The following PRDM10 variants were observed in gnomAD, a reference collection of about 807,000 sequenced individuals.
PRDM10 encodes the protein PR domain zinc finger protein 10.
PRDM10 carries 65 observed loss-of-function variants against 133.1 expected under a neutral mutation model. The observed-to-expected ratio is 0.49, with a 90% confidence interval of 0.40 to 0.60. The LOEUF (loss-of-function observed/expected upper bound fraction) is 0.60, where lower values mean the gene tolerates loss of function less well. PRDM10 is among the 20% of genes least tolerant of loss of function. The pLI is 0.00. For missense variants in PRDM10, 1,137 were observed against 1,507.1 expected (o/e 0.75, Z 4.07); for synonymous variants, 582 against 580.4 (o/e 1.00, Z -0.04).
At chr11:129,921,899 G>A (rs539649060) in intron 13 of PRDM10, among the ~76,000 whole-genome samples, 1 of 152,272 alleles carries the variant, frequency 6.6e-6, no homozygotes, top group East Asian at 1.9e-4. Context: ...ACCACCAGAT[G>A]CAGTGACACA....
intron 1 of PRDM10, among the ~76,000 whole-genome samples, chr11:129,980,764 C>CA (rs1938058453): frequency 6.6e-6 from 1 of 151,366 alleles, no homozygotes; most frequent in South Asian, 2.1e-4. Context: ...AAGTCCAAAC[C>CA]AGGGAAATCT....
intron 2 of PRDM10, among the ~76,000 whole-genome samples, chr11:129,959,118 A>C (rs531938244): frequency 6.6e-6 from 1 of 152,210 alleles, no homozygotes; most frequent in Non-Finnish European, 1.5e-5. Flanking sequence ...TTTTAATGTC[A>C]GTTTTCTCTA....
At chr11:129,952,808 C>T (rs763125943) in intron 4 of PRDM10, among the ~76,000 whole-genome samples, 1 of 151,904 alleles carries the variant, frequency 6.6e-6, no homozygotes, top group Non-Finnish European at 1.5e-5. Flanking sequence ...ATGTGATTCG[C>T]CGTGCCTGGC....
In PRDM10 at chr11:129,902,329, T is replaced by G; in HGVS notation, c.3455A>C (p.His1152Pro). 6.2e-7 allele frequency: 1 copy of G among 1,614,102 alleles called. No individual in the cohort carries two copies. Among genetic ancestry groups the G allele is most frequent in the Non-Finnish European group, 8.5e-7 (1 of 1,179,982 alleles). ...TTNGNGSSEV[H>P]ITKP The stretch of plus-strand genomic sequence containing the variant: ...GGGTGGAAGTCATGGTTTGGTGATA[T>G]GCACTTCGCTGCTTCCGTTCCCGTT... The change falls in exon 21 of 21, where the codon CAT becomes CCT. Residue 1152 changes from histidine to proline, a missense_variant. This residue lies in a region of PRDM10 where 243 missense variants were observed against 259.2 expected (regional missense o/e 0.94). Transcript: ENST00000360871.
rs1950564943 is a variant in PRDM10 at position 129,923,170 on chromosome 11, T to G, written c.2034+78A>C. On this transcript the variant is annotated intron_variant, in intron 13 of 20. Transcript: ENST00000360871. This position sits in a 1 kb window ranked among gnomAD's most constrained non-coding sequence, Gnocchi z 4.4. ...AGAGGTGGGTGATAAACTGATGAAA[T>G]GAACAGGCATTTACCCTCAGCTTGC... 3 of 1,427,822 alleles carry G rather than the reference T, an allele frequency of 2.1e-6. No homozygotes were observed. Among genetic ancestry groups the G allele is most frequent in the Admixed American group, 5.3e-5 (2 of 37,542 alleles). 88.4% of individuals were successfully genotyped at this position (1,427,822 alleles called of 1,614,324 possible). A position where few individuals can be genotyped will look rare whatever the true frequency, so the allele number is the denominator to read the frequency against.
chr11:129,998,174 T>C (rs1591712247), intron 1 of PRDM10, among the ~76,000 whole-genome samples: 1 of 152,148 alleles, frequency 6.6e-6, no homozygotes, highest in African/African-American at 2.4e-5. Flanking sequence ...AATTGAAAGA[T>C]ATTATTTTTT....
At chr11:129,988,054 C>T (rs1391207581) in intron 1 of PRDM10, among the ~76,000 whole-genome samples, 1 of 152,016 alleles carries the variant, frequency 6.6e-6, no homozygotes, top group African/African-American at 2.4e-5. Flanking sequence ...CATGGATGAA[C>T]CCTGAAAACA....
At chr11:129,978,179 T>C (rs1243582191) in intron 1 of PRDM10, among the ~76,000 whole-genome samples, 1 of 152,172 alleles carries the variant, frequency 6.6e-6, no homozygotes, top group Non-Finnish European at 1.5e-5. Context: ...GTGATAATGC[T>C]GGGACACTCC....
intron 1 of PRDM10, among the ~76,000 whole-genome samples, chr11:129,970,837 C>A (rs1952005507): frequency 6.6e-6 from 1 of 152,152 alleles, no homozygotes; most frequent in African/African-American, 2.4e-5. Flanking sequence ...TGAATCACGG[C>A]ACCCGACCCC....
intron 1 of PRDM10, among the ~76,000 whole-genome samples, chr11:130,001,712 A>C (rs1939391954): frequency 6.6e-6 from 1 of 152,182 alleles, no homozygotes; most frequent in African/African-American, 2.4e-5. Flanking sequence ...TACTTAGTAG[A>C]GTATCAACAC....
Position 129,901,508 on chromosome 11 carries a change from T to A in PRDM10, c.*805A>T, listed in dbSNP as rs966888953. ...ATTTTTCTTGGTACCAATATCTCCT[T>A]CTTACCACCACCACAACCACAGAAT... is the stretch of plus-strand genomic sequence containing the variant. On this transcript the variant is annotated 3_prime_UTR_variant, in exon 21 of 21. Transcript: ENST00000360871. 1 of 152,236 alleles carries A rather than the reference T, an allele frequency of 6.6e-6. No homozygotes were observed. Among genetic ancestry groups the A allele is most frequent in the African/African-American group, 2.4e-5 (1 of 41,464 alleles). The allele number at this position is 152,236 out of a possible 1,614,324, so 9.4% of individuals were successfully genotyped here.
intron 1 of PRDM10, among the ~76,000 whole-genome samples, chr11:129,993,456 A>G (rs1250476414): frequency 6.6e-6 from 1 of 152,064 alleles, no homozygotes; most frequent in African/African-American, 2.4e-5. Context: ...CTATTGGTCC[A>G]TCATTATTAG....
At chr11:129,950,618 T>C (rs1403032091) in intron 4 of PRDM10, among the ~76,000 whole-genome samples, 1 of 152,190 alleles carries the variant, frequency 6.6e-6, no homozygotes, top group Non-Finnish European at 1.5e-5. Context: ...AGGAAGTGAC[T>C]GTATTCCTGC....
intron 20 of PRDM10, 95 bp downstream of exon 20, chr11:129,905,543 G>T: frequency 1.0e-6 from 1 of 952,724 alleles, no homozygotes; most frequent in South Asian, 1.4e-5. Flanking sequence ...TGAGAAAACA[G>T]AGTAAGCCAA....
At chr11:129,967,774 A>C (rs1005012936) in intron 1 of PRDM10, among the ~76,000 whole-genome samples, 5 of 152,180 alleles carry the variant, frequency 3.3e-5, no homozygotes, top group African/African-American at 7.2e-5. Flanking sequence ...GGAAGGAAGG[A>C]TAAACCCCTA....
In PRDM10 at chr11:129,917,214, G is replaced by A. The variant is rs1215921874; in HGVS notation, c.2238C>T (p.His746=). The change falls in exon 15 of 21, where the codon CAC becomes CAT. Residue 746 remains histidine (H), a synonymous_variant. Transcript: ENST00000360871. ...GMLVNHLSKR[H]PDMKIEEVPE... is the part of the protein sequence containing the mutation. ...GCACCTCTTCTATCTTCATGTCTGG[G>A]TGTCTCTTCGATAAGTGATTTACCT... 3.7e-6 allele frequency: 6 copies of A among 1,612,898 alleles called. No individual in the cohort carries two copies. The highest frequency in any genetic ancestry group is 4.2e-6 in the Non-Finnish European group (5 of 1,179,126).
At position 129,942,510 on chromosome 11, in the gene PRDM10, C is replaced by T. The variant is rs766464190; in HGVS notation, c.882G>A (p.Leu294=). The T allele has an allele frequency of 6.2e-7, 1 of 1,614,092 alleles. No individual in the cohort carries two copies. Among genetic ancestry groups the T allele is most frequent in the African/African-American group, 1.3e-5 (1 of 75,006 alleles). The change falls in exon 7 of 21, where the codon CTG becomes CTA. Residue 294 remains leucine (L), a synonymous_variant. Transcript: ENST00000360871. ...MMFVRPAQNH[L]EQNLVAYQYG... is the part of the protein sequence containing the mutation. ...ACTGGTAAGCCACCAGGTTCTGCTC[C>T]AGGTGATTCTGGGCTGGCCGTACAA...
At chr11:129,977,204 G>C (rs911429577) in intron 1 of PRDM10, among the ~76,000 whole-genome samples, 1 of 150,854 alleles carries the variant, frequency 6.6e-6, no homozygotes. Context: ...TGTGACCCCA[G>C]CTAAAGAGCT....
Position 129,915,264 on chromosome 11 carries a change from CA to C in PRDM10, c.2527-247del, listed in dbSNP as rs551910106. On this transcript the variant is annotated intron_variant, in intron 16 of 20. Coordinates refer to ENST00000360871, the MANE Select transcript of PRDM10 (RefSeq NM_199437.2). ...ATCAGCAAGGTCTCAATACCCCCCCCAAATAGTACCTGCAGCAATCAATCAC... is the reference window on the plus strand; with the variant it reads ...ATCAGCAAGGTCTCAATACCCCCCCCAATAGTACCTGCAGCAATCAATCAC... 4.8e-3 allele frequency among the ~76,000 whole-genome samples: 735 copies of C among 151,820 alleles called. 6 individuals are homozygous for C. The highest frequency in any genetic ancestry group is 8.4e-3 in the Non-Finnish European group (571 of 67,902).
Sources: gnomAD v4.1 joint callset for allele counts (sites outside exome capture counted in the v4.1 genomes callset) on GRCh38, gnomAD v4.1.1 for gene constraint, gnomAD v4.1.1 regional missense constraint, Gnocchi (gnomAD v3.1) non-coding constraint, MANE v1.5 for transcripts, NCBI Gene and HGNC (gene_info 2026-07-23, HGNC 2026-07-21) for gene names.